Variants in SERPINI1 observed in about 807,000 individuals in gnomAD.
The protein encoded by SERPINI1 is serpin family I member 1, also known as neuroserpin.
Under a neutral mutation model 41.1 loss-of-function variants are expected in SERPINI1, and 19 were observed. That is an observed-to-expected ratio of 0.46 (90% CI 0.32 to 0.68). The LOEUF is 0.68. Among genes scored for constraint, SERPINI1 ranks in the 30% least tolerant of loss-of-function variants. SERPINI1 has a pLI of 0.03. For missense variants in SERPINI1, 460 were observed against 479.2 expected (o/e 0.96, Z 0.37); for synonymous variants, 138 against 156.6 (o/e 0.88, Z 0.89).
intron 5 of SERPINI1, among the ~76,000 whole-genome samples, chr3:167,806,387 A>G (rs1007015141): frequency 2.0e-5 from 3 of 152,082 alleles, no homozygotes; most frequent in Non-Finnish European, 4.4e-5. Context: ...GTGGAGCTTA[A>G]AACTTAGATG....
At chr3:167,782,152 T>C (rs1457937918) in intron 1 of SERPINI1, among the ~76,000 whole-genome samples, 1 of 152,166 alleles carries the variant, frequency 6.6e-6, no homozygotes, top group African/African-American at 2.4e-5. Context: ...AAATAATAAA[T>C]CTCCAATGTA....
chr3:167,747,023 ATGTT>A, intron 1 of SERPINI1, among the ~76,000 whole-genome samples: 1 of 152,354 alleles, frequency 6.6e-6, no homozygotes, highest in Non-Finnish European at 1.5e-5. Context: ...AAACAATCCA[ATGTT>A]TGTCAGTTAA....
At position 167,780,628 on chromosome 3, in the gene SERPINI1, G is replaced by C. The variant is rs370625187; in HGVS notation, c.-18-8483G>C. On this transcript the variant is annotated intron_variant, in intron 1 of 8. Coordinates refer to ENST00000446050, the MANE Select transcript of SERPINI1 (RefSeq NM_001122752.2). ...TGTGTTTTCTATTCTTGGGTCCTCT[G>C]TAAAACATTTAATTGTTATTTTACA... Among the ~76,000 whole-genome samples the C allele has an allele frequency of 1.2e-4, 18 of 152,240 alleles. No individual in the cohort carries two copies. In the East Asian group the frequency reaches 3.5e-3, roughly 29 times the overall value.
intron 5 of SERPINI1, among the ~76,000 whole-genome samples, chr3:167,805,418 T>G (rs1347558881): frequency 5.3e-5 from 8 of 152,220 alleles, no homozygotes; most frequent in African/African-American, 1.9e-4. Flanking sequence ...TTTGTTTAAG[T>G]TCCTTGTAGA....
intron 4 of SERPINI1, among the ~76,000 whole-genome samples, chr3:167,794,030 G>A (rs938653604): frequency 3.3e-5 from 5 of 152,018 alleles, no homozygotes; most frequent in Non-Finnish European, 5.9e-5. Flanking sequence ...TGTAGTTTTT[G>A]TGATAATAAA....
At chr3:167,803,431 T>C (rs1317094033) in intron 5 of SERPINI1, among the ~76,000 whole-genome samples, 1 of 152,114 alleles carries the variant, frequency 6.6e-6, no homozygotes, top group Non-Finnish European at 1.5e-5. Flanking sequence ...TCTATAATAA[T>C]GTGACATGTT....
rs146559158 is a variant in SERPINI1 at position 167,813,801 on chromosome 3, A to C, written c.979+6460A>C. Among the ~76,000 whole-genome samples, 322 of 152,196 alleles carry C rather than the reference A, an allele frequency of 2.1e-3. 2 individuals carry two copies. Among genetic ancestry groups the C allele is most frequent in the African/African-American group, 7.4e-3 (307 of 41,512 alleles). On this transcript the variant is annotated intron_variant, in intron 6 of 8. Coordinates refer to ENST00000446050, the MANE Select transcript of SERPINI1 (RefSeq NM_001122752.2). ...GAATTTGTGGTGGGGGACAGGGTAG[A>C]TACCGAGTGGGTGAGTGTTGTGAGT... is the stretch of plus-strand genomic sequence containing the variant.
At chr3:167,796,259 A>G (rs1246476212) in intron 5 of SERPINI1, among the ~76,000 whole-genome samples, 2 of 151,838 alleles carry the variant, frequency 1.3e-5, no homozygotes, top group South Asian at 2.1e-4. Context: ...AATATGGAAT[A>G]TTATGTTATG....
At chr3:167,745,797 C>G (rs1725846366) in intron 1 of SERPINI1, among the ~76,000 whole-genome samples, 1 of 151,918 alleles carries the variant, frequency 6.6e-6, no homozygotes, top group South Asian at 2.1e-4. Flanking sequence ...ATTTTAAGAT[C>G]CACTTAAAAC....
At chr3:167,802,322 C>G (rs1727926469) in intron 5 of SERPINI1, among the ~76,000 whole-genome samples, 1 of 151,572 alleles carries the variant, frequency 6.6e-6, no homozygotes, top group Non-Finnish European at 1.5e-5. Context: ...AACAAACTAC[C>G]ATCAGAGTGA....
chr3:167,764,427 T>C (rs1726492245), intron 1 of SERPINI1, among the ~76,000 whole-genome samples: 2 of 152,070 alleles, frequency 1.3e-5, no homozygotes, highest in Non-Finnish European at 1.5e-5. Context: ...GCAGGGGAAC[T>C]CCTCTTTTTA....
At chr3:167,781,508 T>G (rs1034794834) in intron 1 of SERPINI1, among the ~76,000 whole-genome samples, 1 of 152,098 alleles carries the variant, frequency 6.6e-6, no homozygotes, top group Non-Finnish European at 1.5e-5. Flanking sequence ...AGTAGCCCTA[T>G]GTAGGTTCTT....
chr3:167,794,806 T>C lies in SERPINI1; in HGVS notation c.863T>C (p.Val288Ala). 4 of 1,613,164 alleles carry C rather than the reference T, an allele frequency of 2.5e-6. No individual in the cohort carries two copies. The highest frequency in any genetic ancestry group is 3.4e-6 in the Non-Finnish European group (4 of 1,179,734). The change falls in exon 5 of 9, where the codon GTA (valine) becomes GCA (alanine). Residue 288 changes from valine (V) to alanine (A), a missense_variant. Physicochemically the swap from Val to Ala is moderately conservative, Grantham distance 64. Transcript: ENST00000446050. Reference sequence around the variant, plus strand: ...GCAAACTCTGTGAAGAAGCAAAAAGTAGAAGTATACCTGCCCAGGTATGAG... The same window carrying C: ...GCAAACTCTGTGAAGAAGCAAAAAGCAGAAGTATACCTGCCCAGGTATGAG... ...EWANSVKKQKVEVYLPRFTVE... is the reference protein window; with the variant it reads ...EWANSVKKQKAEVYLPRFTVE...
At chr3:167,758,479 G>A (rs1253279771) in intron 1 of SERPINI1, among the ~76,000 whole-genome samples, 2 of 151,336 alleles carry the variant, frequency 1.3e-5, no homozygotes, top group Non-Finnish European at 2.9e-5. Flanking sequence ...GATGAATGTA[G>A]AAAGAATGAT....
chr3:167,773,845 T>C (rs936540786), intron 1 of SERPINI1, among the ~76,000 whole-genome samples: 2 of 152,240 alleles, frequency 1.3e-5, no homozygotes, highest in African/African-American at 4.8e-5. Flanking sequence ...TCTTTGTTAC[T>C]TTGACTTTCA....
intron 6 of SERPINI1, among the ~76,000 whole-genome samples, chr3:167,812,505 T>A (rs1348357088): frequency 6.6e-6 from 1 of 152,240 alleles, no homozygotes; most frequent in East Asian, 1.9e-4. Flanking sequence ...CAACCAGAAG[T>A]AATCGTTCCT....
chr3:167,785,642 T>G (rs1047125242), intron 1 of SERPINI1, among the ~76,000 whole-genome samples: 5 of 152,234 alleles, frequency 3.3e-5, no homozygotes, highest in African/African-American at 4.8e-5. Context: ...ATAAGATAGT[T>G]GTTTTAAGTA....
intron 1 of SERPINI1, among the ~76,000 whole-genome samples, chr3:167,754,041 A>C (rs1009258088): frequency 6.6e-6 from 1 of 152,174 alleles, no homozygotes; most frequent in Non-Finnish European, 1.5e-5. Context: ...CCTTACTTCA[A>C]GCTGCTTTTT....
At chr3:167,759,471 C>T (rs890005910) in intron 1 of SERPINI1, among the ~76,000 whole-genome samples, 3 of 147,278 alleles carry the variant, frequency 2.0e-5, no homozygotes, top group Non-Finnish European at 4.5e-5. Flanking sequence ...TCATATACTT[C>T]GTAGCAACAT....
Sources: gnomAD v4.1 joint callset for allele counts (sites outside exome capture counted in the v4.1 genomes callset) on GRCh38, gnomAD v4.1.1 for gene constraint, MANE v1.5 for transcripts, NCBI Gene and HGNC (gene_info 2026-07-23, HGNC 2026-07-21) for gene names.